Variants in TDP1 observed in about 807,000 individuals in gnomAD.
The protein encoded by TDP1 is tyr-DNA phosphodiesterase 1.
Under a neutral mutation model 81.5 loss-of-function variants are expected in TDP1, and 64 were observed. That is an observed-to-expected ratio of 0.79 (90% CI 0.64 to 0.97). TDP1 has a LOEUF of 0.97. Among genes scored for constraint, TDP1 ranks in the 50% least tolerant of loss-of-function variants. The probability of loss-of-function intolerance (pLI) is 0.00; values close to 1 mark genes in which losing one functional copy is unlikely to be tolerated. For missense variants in TDP1, 723 were observed against 743.8 expected (o/e 0.97, Z 0.33); for synonymous variants, 256 against 264.3 (o/e 0.97, Z 0.30).
At chr14:89,990,786 A>G (rs1164813193) in intron 12 of TDP1, among the ~76,000 whole-genome samples, 1 of 152,068 alleles carries the variant, frequency 6.6e-6, no homozygotes, top group Non-Finnish European at 1.5e-5. Flanking sequence ...CCTATTTGAT[A>G]TGTCAGAGAT....
chr14:89,991,171 C>T (rs1290208746), intron 12 of TDP1, among the ~76,000 whole-genome samples: 3 of 152,070 alleles, frequency 2.0e-5, no homozygotes, highest in Admixed American at 2.0e-4. Flanking sequence ...AGAGGCTGTC[C>T]AGCTGTGTCT....
chr14:90,018,351 TC>T (rs1417188229), intron 14 of TDP1, among the ~76,000 whole-genome samples: 1 of 152,032 alleles, frequency 6.6e-6, no homozygotes, highest in Non-Finnish European at 1.5e-5. Flanking sequence ...ATAAAAAGAG[TC>T]TCTGAAGACG....
At chr14:90,036,189 T>C (rs1339639623) in intron 16 of TDP1, among the ~76,000 whole-genome samples, 1 of 152,152 alleles carries the variant, frequency 6.6e-6, no homozygotes, top group East Asian at 1.9e-4. Flanking sequence ...TAAAGATACA[T>C]ACAAGAGAGA....
At position 89,963,220 on chromosome 14, in the gene TDP1, G is replaced by A. The variant is rs753319722; in HGVS notation, c.106G>A (p.Ala36Thr). The A allele has an allele frequency of 1.1e-5, 18 of 1,614,058 alleles. No individual in the cohort carries two copies. Among genetic ancestry groups the A allele is most frequent in the Non-Finnish European group, 1.5e-5 (18 of 1,180,044 alleles). Residue 36 changes from alanine (A) to threonine (T), a missense_variant, in exon 3 of 17, where the codon GCC becomes ACC. By Grantham distance (58) the Ala-to-Thr change is moderately conservative (BLOSUM62 0). Coordinates refer to ENST00000335725, the MANE Select transcript of TDP1 (RefSeq NM_018319.4). The stretch of plus-strand genomic sequence containing the variant: ...GCCATCTACCTCTTCTCTTCTCTGT[G>A]CCAGGCAAGGAGCAGCAAATGAGCC... ...DKPSTSSLLC[A>T]RQGAANEPRY...
At chr14:90,019,145 G>T in intron 14 of TDP1, 171 bp from the exon 15 acceptor site, 1 of 935,224 alleles carries the variant, frequency 1.1e-6, no homozygotes, top group Non-Finnish European at 1.3e-6. Flanking sequence ...GAGGATTAGA[G>T]AACAGCAGAT....
chr14:89,980,994 G>T (rs1244890531), intron 8 of TDP1, among the ~76,000 whole-genome samples: 1 of 152,166 alleles, frequency 6.6e-6, no homozygotes, highest in Non-Finnish European at 1.5e-5. Context: ...AGGCAGAAAA[G>T]GGGTTACAGA....
In TDP1 at chr14:89,963,465, T is replaced by C. The variant is rs906790576; in HGVS notation, c.351T>C (p.Ser117=). ...TGATCAAAAAGGAGAAAGACATCTC[T>C]GCTCCCAATGACGGCACTGCCCAAA... ...KVVIKKEKDI[S]APNDGTAQRT... Residue 117 remains serine, a synonymous_variant, in exon 3 of 17, where the codon TCT becomes TCC. Coordinates refer to ENST00000335725, the MANE Select transcript of TDP1 (RefSeq NM_018319.4). 1.9e-6 allele frequency: 3 copies of C among 1,611,650 alleles called. No homozygotes were observed. Among genetic ancestry groups the C allele is most frequent in the Non-Finnish European group, 1.7e-6 (2 of 1,178,690 alleles).
In TDP1 at chr14:89,997,480, G is replaced by C. The variant is rs549909297; in HGVS notation, c.1541+3997G>C. 3.3e-5 allele frequency among the ~76,000 whole-genome samples: 5 copies of C among 152,338 alleles called. No individual in the cohort carries two copies. In the East Asian group the frequency reaches 9.6e-4, roughly 29 times the overall value. On this transcript the variant is annotated intron_variant, in intron 14 of 16. Coordinates refer to ENST00000335725, the MANE Select transcript of TDP1 (RefSeq NM_018319.4). Reference sequence around the variant, plus strand: ...CAGTGGGATGATGGTGAATTTGATTGAAGATTGATTTATCATGGTGGAGAC... The same window carrying C: ...CAGTGGGATGATGGTGAATTTGATTCAAGATTGATTTATCATGGTGGAGAC...
chr14:90,042,070 C>T (rs1230131610), intron 16 of TDP1, among the ~76,000 whole-genome samples: 2 of 152,200 alleles, frequency 1.3e-5, no homozygotes, highest in African/African-American at 4.8e-5. Context: ...ACATGGTCCT[C>T]AGTGTCCTTT....
At chr14:89,963,823 C>T (rs1892620101) in intron 3 of TDP1, 150 bp downstream of exon 3, 1 of 858,110 alleles carries the variant, frequency 1.2e-6, no homozygotes, top group African/African-American at 1.7e-5. Flanking sequence ...CAGGCAAGTG[C>T]ATTAGTATAA....
intron 14 of TDP1, among the ~76,000 whole-genome samples, chr14:90,001,809 C>T (rs922139123): frequency 6.6e-6 from 1 of 151,964 alleles, no homozygotes; most frequent in African/African-American, 2.4e-5. Flanking sequence ...TTTCATGGCG[C>T]CTTTTGCTTG....
At chr14:89,999,126 A>G (rs1896977697) in intron 14 of TDP1, among the ~76,000 whole-genome samples, 2 of 152,194 alleles carry the variant, frequency 1.3e-5, no homozygotes, top group Non-Finnish European at 2.9e-5. Flanking sequence ...TTTGTTATAC[A>G]AGATTGTCCC....
chr14:89,983,835 A>G (rs1361511250), intron 8 of TDP1, among the ~76,000 whole-genome samples: 2 of 152,248 alleles, frequency 1.3e-5, no homozygotes, highest in East Asian at 3.8e-4. Context: ...GGGAAAAAGA[A>G]TTAATGAAAT....
At chr14:89,971,698 A>G (rs1390554110) in intron 6 of TDP1, among the ~76,000 whole-genome samples, 3 of 152,188 alleles carry the variant, frequency 2.0e-5, no homozygotes, top group Non-Finnish European at 2.9e-5. Context: ...GCAACCTGCT[A>G]GTGCTCCCCT....
chr14:89,960,260 C>G (rs1023152759), intron 2 of TDP1, among the ~76,000 whole-genome samples: 1 of 152,062 alleles, frequency 6.6e-6, no homozygotes, highest in Non-Finnish European at 1.5e-5. Context: ...ACTAGAGGAA[C>G]CTAAGGTTTT....
At chr14:90,023,420 A>C (rs1279763535) in intron 15 of TDP1, among the ~76,000 whole-genome samples, 1 of 152,154 alleles carries the variant, frequency 6.6e-6, no homozygotes, top group East Asian at 1.9e-4. Flanking sequence ...AACAGAACAC[A>C]CCACTGGCCT....
chr14:89,974,716 G>A (rs961454247), intron 6 of TDP1, among the ~76,000 whole-genome samples: 3 of 152,188 alleles, frequency 2.0e-5, no homozygotes, highest in Non-Finnish European at 2.9e-5. Context: ...GAATGGTACC[G>A]TTTTAAAGAG....
At chr14:89,984,711 G>T in intron 9 of TDP1, 28 bp downstream of exon 9, 1 of 1,611,518 alleles carries the variant, frequency 6.2e-7, no homozygotes, top group Non-Finnish European at 8.5e-7. Context: ...AATTTGGGGT[G>T]CTTATGATAG....
rs34543390 is a variant in TDP1, at chr14:89,985,722, G to A, written c.1131+512G>A. ...AGTTTTTTTCATCTCTTTTTAGGTG[G>A]TTTACTGACCTTAATAAATTCCCTG... On this transcript the variant is annotated intron_variant, in intron 10 of 16. Coordinates refer to ENST00000335725, the MANE Select transcript of TDP1 (RefSeq NM_018319.4). 6.0e-3 allele frequency among the ~76,000 whole-genome samples: 908 copies of A among 152,246 alleles called. 6 individuals carry two copies. The highest frequency in any genetic ancestry group is 0.021 in the African/African-American group (871 of 41,548).
Sources: gnomAD v4.1 joint callset for allele counts (sites outside exome capture counted in the v4.1 genomes callset) on GRCh38, gnomAD v4.1.1 for gene constraint, MANE v1.5 for transcripts, NCBI Gene and HGNC (gene_info 2026-07-23, HGNC 2026-07-21) for gene names.